Variants in MCMDC2 observed in about 807,000 individuals in gnomAD.
MCMDC2 encodes minichromosome maintenance domain-containing protein 2.
In MCMDC2, 54 loss-of-function variants were observed where a neutral mutation model predicts 75.8. The ratio of observed to expected loss-of-function variants is 0.71; its 90% CI spans 0.57 to 0.89. The LOEUF (loss-of-function observed/expected upper bound fraction) is 0.89, where lower values mean the gene tolerates loss of function less well. MCMDC2 is among the 40% of genes least tolerant of loss of function. The pLI, the probability that MCMDC2 is intolerant of heterozygous loss-of-function variation, is 0.00. For synonymous variants in MCMDC2, 249 were observed against 274.6 expected (o/e 0.91, Z 0.92); for missense variants, 656 against 780.4 (o/e 0.84, Z 1.90).
intron 13 of MCMDC2, among the ~76,000 whole-genome samples, chr8:66,903,610 G>T (rs899912047): frequency 1.3e-5 from 2 of 151,984 alleles, no homozygotes; most frequent in Non-Finnish European, 2.9e-5. Flanking sequence ...CTACTTTTTC[G>T]CATTGTAGAA....
chr8:66,902,711 A>AAAAATATAT (rs1467425752), intron 13 of MCMDC2, among the ~76,000 whole-genome samples: 1 of 67,912 alleles, frequency 1.5e-5, no homozygotes, highest in East Asian at 5.0e-4. Flanking sequence ...AAAAAAAAAA[A>AAAAATATAT]ATATATATAT....
At chr8:66,917,371 AG>A (rs1813362146) in intron 14 of MCMDC2, among the ~76,000 whole-genome samples, 1 of 152,206 alleles carries the variant, frequency 6.6e-6, no homozygotes, top group African/African-American at 2.4e-5. Context: ...ATAAAAGAGA[AG>A]AGCTTACCTC....
rs901449923 is a variant in MCMDC2 at position 66,874,150 on chromosome 8, C to A, written c.10C>A (p.Leu4Ile). Reference sequence around the variant, plus strand: ...TATTAACCAGGAGAAAATGTCAAATCTAAAAATGAAAGAGGCGGCCCTCAT... The same window carrying A: ...TATTAACCAGGAGAAAATGTCAAATATAAAAATGAAAGAGGCGGCCCTCAT... MSN[L>I]KMKEAALIYL... Residue 4 changes from leucine (L) to isoleucine (I), a missense_variant, in exon 2 of 15, where the codon CTA becomes ATA. Transcript: ENST00000422365. The A allele has an allele frequency of 1.3e-6, 2 of 1,588,510 alleles. No individual in the cohort carries two copies. The highest frequency in any genetic ancestry group is 1.7e-6 in the Non-Finnish European group (2 of 1,172,188).
intron 10 of MCMDC2, among the ~76,000 whole-genome samples, chr8:66,895,333 C>T (rs543529932): frequency 1.4e-4 from 22 of 151,916 alleles, no homozygotes; most frequent in Non-Finnish European, 2.5e-4. Flanking sequence ...TGTGGTCCTC[C>T]GCAATGGCCC....
chr8:66,903,827 T>G (rs866698898), intron 13 of MCMDC2, among the ~76,000 whole-genome samples: 25 of 152,104 alleles, frequency 1.6e-4, no homozygotes, highest in African/African-American at 5.3e-4. Flanking sequence ...GGATCTTGGA[T>G]GAGGATATCA....
At chr8:66,885,603 G>A (rs1303963089) in intron 9 of MCMDC2, among the ~76,000 whole-genome samples, 1 of 151,828 alleles carries the variant, frequency 6.6e-6, no homozygotes, top group East Asian at 1.9e-4. Flanking sequence ...CTGTGTGAGA[G>A]ATTGGTTTGT....
chr8:66,903,686 C>A (rs1812794377), intron 13 of MCMDC2, among the ~76,000 whole-genome samples: 1 of 152,078 alleles, frequency 6.6e-6, no homozygotes, highest in African/African-American at 2.4e-5. Flanking sequence ...GAGTCATAAA[C>A]CTTGAATTTT....
At chr8:66,905,572 C>T (rs1195286674) in intron 14 of MCMDC2, among the ~76,000 whole-genome samples, 1 of 152,148 alleles carries the variant, frequency 6.6e-6, no homozygotes, top group Non-Finnish European at 1.5e-5. Context: ...TGAACATTTG[C>T]ATTGCTTAAA....
chr8:66,872,977 A>AC (rs1563672349), intron 1 of MCMDC2, among the ~76,000 whole-genome samples: 1 of 151,626 alleles, frequency 6.6e-6, no homozygotes, highest in South Asian at 2.1e-4. Context: ...AAAAAAAAAA[A>AC]AACAACCTGG....
At chr8:66,881,848 C>T (rs1317173022) in intron 8 of MCMDC2, among the ~76,000 whole-genome samples, 1 of 152,172 alleles carries the variant, frequency 6.6e-6, no homozygotes, top group African/African-American at 2.4e-5. Context: ...AAGTGGAGAG[C>T]AGACCTATTC....
chr8:66,883,276 CCT>C (rs1811679253), intron 8 of MCMDC2, among the ~76,000 whole-genome samples: 1 of 152,150 alleles, frequency 6.6e-6, no homozygotes, highest in African/African-American at 2.4e-5. Context: ...GCTTATTATT[CCT>C]CTCTGAAGGT....
At chr8:66,902,711 A>AAAAAAAAAT (rs1467425752) in intron 13 of MCMDC2, among the ~76,000 whole-genome samples, 2 of 67,910 alleles carry the variant, frequency 2.9e-5, no homozygotes, top group African/African-American at 7.3e-5. Flanking sequence ...AAAAAAAAAA[A>AAAAAAAAAT]ATATATATAT....
chr8:66,884,132 A>G, intron 9 of MCMDC2, 138 bp downstream of exon 9: 2 of 612,304 alleles, frequency 3.3e-6, no homozygotes, highest in East Asian at 2.8e-5. Context: ...CTTTATCAAT[A>G]AAATTCAAAA....
intron 9 of MCMDC2, among the ~76,000 whole-genome samples, chr8:66,888,127 T>C (rs926598672): frequency 6.6e-6 from 1 of 152,180 alleles, no homozygotes; most frequent in Non-Finnish European, 1.5e-5. Context: ...GTTGCCCAAA[T>C]TGGAGTGCAG....
At chr8:66,915,210 T>C (rs1300137652) in intron 14 of MCMDC2, among the ~76,000 whole-genome samples, 1 of 151,932 alleles carries the variant, frequency 6.6e-6, no homozygotes, top group Admixed American at 6.6e-5. Context: ...CGCCAGCACT[T>C]TGGGAGGCCA....
Position 66,877,469 on chromosome 8 carries a change from G to T in MCMDC2, c.406G>T (p.Ala136Ser), listed in dbSNP as rs768045926. The T allele has an allele frequency of 1.9e-6, 3 of 1,613,304 alleles. No individual in the cohort carries two copies. The East Asian group carries it at 6.7e-5, about 36-fold the overall frequency. Residue 136 changes from alanine to serine, a missense_variant, in exon 5 of 15, where the codon GCA (alanine) becomes TCA (serine). Coordinates refer to ENST00000422365, the MANE Select transcript of MCMDC2 (RefSeq NM_173518.5). ...RFYMMQGIVI[A>S]MTTITKYTQG... is the part of the protein sequence containing the mutation. ...TTATATGATGCAAGGAATTGTGATTGCAATGACAACTATAACCAAGTATAC... is the reference window on the plus strand; with the variant it reads ...TTATATGATGCAAGGAATTGTGATTTCAATGACAACTATAACCAAGTATAC...
In MCMDC2 at chr8:66,878,654, G is replaced by T. The variant is rs762443294; in HGVS notation, c.562G>T (p.Ala188Ser). 6.4e-7 allele frequency: 1 copy of T among 1,571,694 alleles called. No homozygotes were observed. Among genetic ancestry groups the T allele is most frequent in the East Asian group, 2.3e-5 (1 of 43,756 alleles). The change falls in exon 6 of 15, where the codon GCA (alanine) becomes TCA (serine). Residue 188 changes from alanine to serine, a missense_variant. Coordinates refer to ENST00000422365, the MANE Select transcript of MCMDC2 (RefSeq NM_173518.5). ...AAATGACTTTTTGTGTAATCTATGT[G>T]CATCTTCACTTCAAGAAGACAGAAA... is the stretch of plus-strand genomic sequence containing the variant. ...IRNDFLCNLCASSLQEDRKFR... is the reference protein window; with the variant it reads ...IRNDFLCNLCSSSLQEDRKFR...
chr8:66,893,669 C>T (rs900400109), intron 10 of MCMDC2, among the ~76,000 whole-genome samples: 2 of 152,320 alleles, frequency 1.3e-5, no homozygotes, highest in South Asian at 4.1e-4. Context: ...TCCCACAACA[C>T]GTGGGAGTTC....
chr8:66,872,838 A>G (rs930112206), intron 1 of MCMDC2, among the ~76,000 whole-genome samples: 1 of 151,830 alleles, frequency 6.6e-6, no homozygotes, highest in Non-Finnish European at 1.5e-5. Context: ...CATGCCTATA[A>G]TCCCAGCTAC....
Sources: gnomAD v4.1 joint callset for allele counts (sites outside exome capture counted in the v4.1 genomes callset) on GRCh38, gnomAD v4.1.1 for gene constraint, MANE v1.5 for transcripts, NCBI Gene and HGNC (gene_info 2026-07-23, HGNC 2026-07-21) for gene names.